Variants in SLC20A2 observed in about 807,000 individuals in gnomAD.
SLC20A2 encodes the protein solute carrier family 20 member 2.
Under a neutral mutation model 61.0 loss-of-function variants are expected in SLC20A2, and 30 were observed. The observed-to-expected ratio is 0.49, with a 90% CI of 0.37 to 0.67. The LOEUF is 0.67. Among genes scored for constraint, SLC20A2 ranks in the 30% least tolerant of loss-of-function variants. The pLI is 0.00. For synonymous variants in SLC20A2, 351 were observed against 353.3 expected (o/e 0.99, Z 0.07); for missense variants, 626 against 866.4 (o/e 0.72, Z 3.48).
At chr8:42,418,945 C>T (rs1447290811) in intron 10 of SLC20A2, among the ~76,000 whole-genome samples, 1 of 138,646 alleles carries the variant, frequency 7.2e-6, no homozygotes, top group East Asian at 2.4e-4. Flanking sequence ...TTGCATTGAG[C>T]TTGCAGTGAG....
intron 1 of SLC20A2, among the ~76,000 whole-genome samples, chr8:42,523,807 A>T (rs1418642411): frequency 6.6e-6 from 1 of 152,180 alleles, no homozygotes; most frequent in Non-Finnish European, 1.5e-5. Flanking sequence ...TCCCTCACAG[A>T]AGATCTGAGT....
At chr8:42,475,824 G>A (rs1011091116) in intron 1 of SLC20A2, among the ~76,000 whole-genome samples, 1 of 151,856 alleles carries the variant, frequency 6.6e-6, no homozygotes, top group Non-Finnish European at 1.5e-5. Flanking sequence ...TGAGGCATCC[G>A]GGACCAGGCT....
intron 8 of SLC20A2, among the ~76,000 whole-genome samples, chr8:42,431,981 G>A (rs1363823276): frequency 6.6e-6 from 1 of 152,232 alleles, no homozygotes. Context: ...GATGAATGTT[G>A]TTTTCCTGTC....
Position 42,437,480 on chromosome 8 carries a change from G to A in SLC20A2, c.1032C>T (p.Tyr344=). ...GCCCCGAGTCTTTGTGCACGGTGTG[G>A]TACACATGACCGTCGCTCCTGGTGT... The part of the protein sequence containing the change: ...DGHTRSDGHV[Y]HTVHKDSGLY... The change falls in exon 8 of 11, where the codon TAC becomes TAT. Residue 344 remains tyrosine, a synonymous_variant. Coordinates refer to ENST00000520262, the MANE Select transcript of SLC20A2 (RefSeq NM_001257180.2). The surrounding 1 kb of genome is among the most constrained non-coding windows in gnomAD (Gnocchi z 6.4). 6.2e-7 allele frequency: 1 copy of A among 1,614,120 alleles called. No individual in the cohort carries two copies. Among genetic ancestry groups the A allele is most frequent in the Non-Finnish European group, 8.5e-7 (1 of 1,180,032 alleles).
chr8:42,474,777 C>G (rs972703346), intron 1 of SLC20A2, among the ~76,000 whole-genome samples: 1 of 152,192 alleles, frequency 6.6e-6, no homozygotes. Flanking sequence ...CATAGCAACA[C>G]ATAAATGTCT....
chr8:42,484,908 ACAG>A, intron 1 of SLC20A2: 2 of 414,686 alleles, frequency 4.8e-6, no homozygotes, highest in African/African-American at 2.1e-5. Flanking sequence ...TGGCCCTGAG[ACAG>A]CAGCAGCACA....
intron 2 of SLC20A2, among the ~76,000 whole-genome samples, chr8:42,471,831 G>A (rs890554777): frequency 1.2e-4 from 18 of 152,294 alleles, no homozygotes; most frequent in African/African-American, 2.6e-4. Context: ...GTCTTTTTCT[G>A]TACTTTCTGA....
Position 42,428,860 on chromosome 8 carries a change from G to T in SLC20A2, c.1710-18C>A. On this transcript the variant is annotated intron_variant, in intron 9 of 10. Transcript: ENST00000520262. ...TGAAGCCGCTGTGGGGGGAGCATGAGACACGTCACAGGTGCCCTCTGTATC... is the reference window on the plus strand; with the variant it reads ...TGAAGCCGCTGTGGGGGGAGCATGATACACGTCACAGGTGCCCTCTGTATC... 6.4e-7 allele frequency: 1 copy of T among 1,567,736 alleles called. No homozygotes were observed. Among genetic ancestry groups the T allele is most frequent in the Non-Finnish European group, 8.6e-7 (1 of 1,157,666 alleles).
chr8:42,471,047 T>C, intron 2 of SLC20A2: 2 of 390,862 alleles, frequency 5.1e-6, no homozygotes, highest in South Asian at 3.8e-5. Context: ...GGCTGTATTC[T>C]TAGTACACCA....
At chr8:42,494,760 G>C (rs1809790283) in intron 1 of SLC20A2, among the ~76,000 whole-genome samples, 1 of 152,082 alleles carries the variant, frequency 6.6e-6, no homozygotes, top group African/African-American at 2.4e-5. Context: ...CTAATAATAA[G>C]TAAAATTTTT....
chr8:42,443,267 A>C (rs1008759549), intron 6 of SLC20A2, among the ~76,000 whole-genome samples: 6 of 2,338 alleles, frequency 2.6e-3, no homozygotes. Flanking sequence ...ATTATAGGAT[A>C]TATATATATA....
chr8:42,538,392 T>C (rs1812843904), intron 1 of SLC20A2: 1 of 152,078 alleles, frequency 6.6e-6, no homozygotes, highest in African/African-American at 2.4e-5. Flanking sequence ...AACACTCATG[T>C]ATCAATATAA....
At chr8:42,453,720 G>A (rs1805917030) in intron 5 of SLC20A2, among the ~76,000 whole-genome samples, 1 of 152,176 alleles carries the variant, frequency 6.6e-6, no homozygotes, top group Non-Finnish European at 1.5e-5. Flanking sequence ...ACTCATCGGA[G>A]GAACAAAATG....
intron 5 of SLC20A2, among the ~76,000 whole-genome samples, chr8:42,448,068 G>A (rs1336781715): frequency 6.6e-6 from 1 of 152,228 alleles, no homozygotes; most frequent in Non-Finnish European, 1.5e-5. Flanking sequence ...CGCAGCAAAG[G>A]ATTGCACCAA....
chr8:42,522,868 CTAA>C (rs1329479098), intron 1 of SLC20A2, among the ~76,000 whole-genome samples: 9 of 121,652 alleles, frequency 7.4e-5, no homozygotes, highest in Admixed American at 5.4e-4. Flanking sequence ...CCACACCTGG[CTAA>C]TAATAATAAA....
chr8:42,507,994 G>A (rs146705901), intron 1 of SLC20A2, among the ~76,000 whole-genome samples: 19 of 151,100 alleles, frequency 1.3e-4, no homozygotes, highest in Admixed American at 8.6e-4. Flanking sequence ...ACCCCATCTC[G>A]ACTAAAAATA....
At chr8:42,517,259 T>C (rs1037386176) in intron 1 of SLC20A2, among the ~76,000 whole-genome samples, 1 of 151,842 alleles carries the variant, frequency 6.6e-6, no homozygotes, top group Non-Finnish European at 1.5e-5. Flanking sequence ...TCCCAGCACT[T>C]TGGGAGGGTG....
At chr8:42,460,207 G>C (rs1806587562) in intron 4 of SLC20A2, 2 of 451,948 alleles carry the variant, frequency 4.4e-6, no homozygotes, top group Non-Finnish European at 8.2e-6. Context: ...CAATGTCAAA[G>C]AGCCCACTGT....
At chr8:42,531,816 C>CTT (rs746692830) in intron 1 of SLC20A2, among the ~76,000 whole-genome samples, 26 of 139,272 alleles carry the variant, frequency 1.9e-4, no homozygotes, top group Middle Eastern at 3.6e-3. Context: ...TAAGTCTCTG[C>CTT]TTTTTTTTTT....
Sources: allele counts gnomAD v4.1 joint callset (sites outside exome capture counted in the v4.1 genomes callset), GRCh38; gene constraint gnomAD v4.1.1; non-coding constraint Gnocchi (gnomAD v3.1); transcripts MANE v1.5; gene names NCBI Gene and HGNC (gene_info 2026-07-23, HGNC 2026-07-21).